The following CTNNA3 variants were observed in gnomAD, a reference collection of about 807,000 sequenced individuals.
The protein encoded by CTNNA3 is catenin alpha-3.
Under a neutral mutation model 95.7 loss-of-function variants are expected in CTNNA3, and 76 were observed. That is an observed-to-expected ratio of 0.79 (90% CI 0.66 to 0.96). The LOEUF (loss-of-function observed/expected upper bound fraction) is 0.96, where lower values mean the gene tolerates loss of function less well. Among genes scored for constraint, CTNNA3 ranks in the 40% least tolerant of loss-of-function variants. CTNNA3 has a pLI of 0.00. For missense variants in CTNNA3, 1,191 were observed against 1,089.8 expected (o/e 1.09, Z -1.31); for synonymous variants, 431 against 374.4 (o/e 1.15, Z -1.74).
At chr10:66,202,360 G>T (rs573393639) in intron 13 of CTNNA3, among the ~76,000 whole-genome samples, 3 of 152,156 alleles carry the variant, frequency 2.0e-5, no homozygotes, top group African/African-American at 7.2e-5. Flanking sequence ...GTGGCCAACT[G>T]TTGTTAGAAT....
chr10:66,055,957 A>G (rs1412582862), intron 15 of CTNNA3, among the ~76,000 whole-genome samples: 1 of 151,110 alleles, frequency 6.6e-6, no homozygotes, highest in East Asian at 1.9e-4. Context: ...ATAAAATCAT[A>G]TCATCTGCAA....
At chr10:66,547,464 T>G (rs1418607351) in intron 10 of CTNNA3, among the ~76,000 whole-genome samples, 2 of 149,454 alleles carry the variant, frequency 1.3e-5, no homozygotes, top group Non-Finnish European at 3.0e-5. Context: ...TGCCTCAGCC[T>G]CCCAAGTAGC....
rs553193810 is a variant in CTNNA3 at position 67,434,513 on chromosome 10, CTAT to C, written c.579+87326_579+87328del. ...TCTATTTAAATCCAGAAAGCATCCC[CTAT>C]TATTTGCTGAATGGCATTTACTGAC... On this transcript the variant is annotated intron_variant, in intron 5 of 17. Transcript: ENST00000433211. Among the ~76,000 whole-genome samples, 6 of 151,986 alleles carry C rather than the reference CTAT, an allele frequency of 3.9e-5. No homozygotes were observed. The South Asian group carries it at 1.2e-3, about 31-fold the overall frequency.
chr10:66,406,459 A>T (rs2132578857), intron 11 of CTNNA3, among the ~76,000 whole-genome samples: 1 of 152,318 alleles, frequency 6.6e-6, no homozygotes, highest in South Asian at 2.1e-4. Context: ...AAATTTTCAA[A>T]ATGTATATGA....
chr10:66,211,639 G>T (rs1564770132), intron 13 of CTNNA3, among the ~76,000 whole-genome samples: 1 of 152,200 alleles, frequency 6.6e-6, no homozygotes, highest in East Asian at 1.9e-4. Flanking sequence ...AATTCCAGAA[G>T]CCAACCCTAA....
intron 8 of CTNNA3, among the ~76,000 whole-genome samples, chr10:66,772,504 G>A (rs543626934): frequency 4.6e-5 from 7 of 151,174 alleles, no homozygotes; most frequent in African/African-American, 1.2e-4. Flanking sequence ...ACAACACTGC[G>A]AAGGAGAGCT....
rs74965188 is a variant in CTNNA3 at position 66,059,407 on chromosome 10, A to T, written c.2159+9901T>A. Among the ~76,000 whole-genome samples, 945 of 152,252 alleles carry T rather than the reference A, an allele frequency of 6.2e-3. 9 individuals are homozygous for T. Among genetic ancestry groups the T allele is most frequent in the African/African-American group, 0.021 (884 of 41,552 alleles). On this transcript the variant is annotated intron_variant, in intron 15 of 17. Coordinates refer to ENST00000433211, the MANE Select transcript of CTNNA3 (RefSeq NM_013266.4). The stretch of plus-strand genomic sequence containing the variant: ...CATTCAACACCTGCCAGAGTCTCAG[A>T]TGCCTGAGTATAAGTAGACTCAGGT...
Position 66,621,721 on chromosome 10 carries a change from C to T in CTNNA3, c.1345G>A (p.Ala449Thr), listed in dbSNP as rs749493440. The change falls in exon 10 of 18, where the codon GCC (alanine) becomes ACC (threonine). Residue 449 changes from alanine to threonine, a missense_variant. Ala to Thr is a moderately conservative substitution (Grantham distance 58, BLOSUM62 0). Coordinates refer to ENST00000433211, the MANE Select transcript of CTNNA3 (RefSeq NM_013266.4). ...GGACACAAGGTTTCCAAATGATTGGCTGCAATTTTGACAATTTTAATTCCA... is the reference window on the plus strand; with the variant it reads ...GGACACAAGGTTTCCAAATGATTGGTTGCAATTTTGACAATTTTAATTCCA... ...EDGIKIVKIA[A>T]NHLETLCPQI... 13 of 1,611,724 alleles carry T rather than the reference C, an allele frequency of 8.1e-6. No homozygotes were observed. Among genetic ancestry groups the T allele is most frequent in the Non-Finnish European group, 1.1e-5 (13 of 1,178,838 alleles).
rs190896314 is a variant in CTNNA3, at chr10:67,660,704, G to A, written c.-5-13186C>T. ...TCCCAACACTTTGGGAGGCCGAGGCGGTGGATCATGAGGTCAGGAGATCGA... is the reference window on the plus strand; with the variant it reads ...TCCCAACACTTTGGGAGGCCGAGGCAGTGGATCATGAGGTCAGGAGATCGA... On this transcript the variant is annotated intron_variant, in intron 1 of 17. Coordinates refer to ENST00000433211, the MANE Select transcript of CTNNA3 (RefSeq NM_013266.4). Among the ~76,000 whole-genome samples, 118 of 152,058 alleles carry A rather than the reference G, an allele frequency of 7.8e-4. 2 individuals are homozygous for A. The highest frequency in any genetic ancestry group is 2.6e-3 in the African/African-American group (108 of 41,488).
intron 10 of CTNNA3, among the ~76,000 whole-genome samples, chr10:66,570,275 A>ATTTGTTTTGTTTTGT (rs59062164): frequency 0.022 from 3,323 of 151,122 alleles, 78 homozygotes; most frequent in East Asian, 0.049. Flanking sequence ...CAAAAATATG[A>ATTTGTTTTGTTTTGT]TTTGTTTTGT....
intron 10 of CTNNA3, among the ~76,000 whole-genome samples, chr10:66,586,865 G>A (rs746850045): frequency 9.9e-5 from 15 of 152,070 alleles, no homozygotes; most frequent in Non-Finnish European, 1.5e-4. Flanking sequence ...TTTATACCAT[G>A]GGATGCTCCC....
intron 16 of CTNNA3, among the ~76,000 whole-genome samples, chr10:65,974,091 A>G (rs2078162879): frequency 6.6e-6 from 1 of 152,194 alleles, no homozygotes; most frequent in Non-Finnish European, 1.5e-5. Flanking sequence ...CAAATACAAC[A>G]GATGCTGGTG....
intron 5 of CTNNA3, among the ~76,000 whole-genome samples, chr10:67,361,527 G>T (rs908340599): frequency 2.0e-5 from 3 of 151,918 alleles, no homozygotes; most frequent in African/African-American, 4.8e-5. Context: ...AAGACTTTTG[G>T]GTAAACAGCA....
At chr10:67,328,287 T>C (rs1841633729) in intron 5 of CTNNA3, among the ~76,000 whole-genome samples, 2 of 152,106 alleles carry the variant, frequency 1.3e-5, no homozygotes, top group Admixed American at 6.5e-5. Flanking sequence ...AGCTATGGTG[T>C]GGGACCCCAG....
At chr10:66,646,235 A>G (rs886643668) in intron 9 of CTNNA3, among the ~76,000 whole-genome samples, 2 of 152,216 alleles carry the variant, frequency 1.3e-5, no homozygotes, top group African/African-American at 2.4e-5. Flanking sequence ...TATGAAAAAA[A>G]TTGATGTGAA....
intron 11 of CTNNA3, among the ~76,000 whole-genome samples, chr10:66,503,255 G>C (rs1463860889): frequency 6.6e-6 from 1 of 152,126 alleles, no homozygotes; most frequent in Non-Finnish European, 1.5e-5. Context: ...AGTTTTGTCT[G>C]TTCTACTGGT....
chr10:65,996,810 G>GT (rs951434388), intron 15 of CTNNA3, among the ~76,000 whole-genome samples: 13 of 152,048 alleles, frequency 8.5e-5, no homozygotes, highest in East Asian at 1.9e-4. Flanking sequence ...TTACTTCCCT[G>GT]TTTTTTTTCT....
chr10:66,884,372 A>G (rs1011517402), intron 7 of CTNNA3, among the ~76,000 whole-genome samples: 1 of 152,094 alleles, frequency 6.6e-6, no homozygotes, highest in Admixed American at 6.6e-5. Flanking sequence ...ACTTGCTACC[A>G]ATGAAGAGAA....
chr10:66,870,493 G>C (rs1334003751), intron 7 of CTNNA3, among the ~76,000 whole-genome samples: 8 of 152,136 alleles, frequency 5.3e-5, no homozygotes, highest in African/African-American at 1.7e-4. Flanking sequence ...ATACTCACTT[G>C]TGTGCTAACT....
Sources: gnomAD v4.1 joint callset for allele counts (sites outside exome capture counted in the v4.1 genomes callset) on GRCh38, gnomAD v4.1.1 for gene constraint, MANE v1.5 for transcripts, NCBI Gene and HGNC (gene_info 2026-07-23, HGNC 2026-07-21) for gene names.